The following GNAO1 variants were observed in gnomAD, a reference collection of about 807,000 sequenced individuals.
The protein encoded by GNAO1 is G protein subunit alpha o1, also known as guanine nucleotide-binding protein G(o) subunit alpha.
For synonymous variants in GNAO1, 164 were observed against 180.7 expected (o/e 0.91, Z 0.74); for missense variants, 166 against 478.7 (o/e 0.35, Z 6.10).
intron 3 of GNAO1, among the ~76,000 whole-genome samples, chr16:56,281,785 G>A (rs1175086743): frequency 6.6e-6 from 1 of 152,230 alleles, no homozygotes; most frequent in Non-Finnish European, 1.5e-5. Context: ...CTGGAAGAAA[G>A]GGTTGAGGAG....
At chr16:56,194,486 G>A in intron 2 of GNAO1, 1 of 333,506 alleles carries the variant, frequency 3.0e-6, no homozygotes, top group Non-Finnish European at 6.0e-6. Flanking sequence ...TGCAAGTGGT[G>A]GACAGCGCCC....
At chr16:56,269,645 T>C (rs1391404972) in intron 2 of GNAO1, among the ~76,000 whole-genome samples, 1 of 151,956 alleles carries the variant, frequency 6.6e-6, no homozygotes, top group African/African-American at 2.4e-5. Context: ...AAAGGGATTG[T>C]GATGGAGGAG....
chr16:56,228,652 C>T (rs1349103877), intron 2 of GNAO1, among the ~76,000 whole-genome samples: 2 of 152,186 alleles, frequency 1.3e-5, no homozygotes, highest in African/African-American at 4.8e-5. Flanking sequence ...TGCTTCCCAC[C>T]AGGGCAATGG....
chr16:56,228,413 G>A (rs866100559), intron 2 of GNAO1, among the ~76,000 whole-genome samples: 75 of 151,732 alleles, frequency 4.9e-4, no homozygotes, highest in African/African-American at 1.8e-3. Flanking sequence ...GTGAGTGTGT[G>A]TGTGTATATA....
At chr16:56,209,283 C>G (rs2036362153) in intron 2 of GNAO1, among the ~76,000 whole-genome samples, 1 of 152,178 alleles carries the variant, frequency 6.6e-6, no homozygotes, top group African/African-American at 2.4e-5. Flanking sequence ...GATAAGCATG[C>G]AGGGACCTGT....
intron 2 of GNAO1, among the ~76,000 whole-genome samples, chr16:56,265,653 G>A (rs762546597): frequency 2.0e-5 from 3 of 152,132 alleles, no homozygotes; most frequent in Non-Finnish European, 2.9e-5. Context: ...ATCTATAAGT[G>A]TTCCAAGAAC....
chr16:56,353,438 T>C (rs1217410511), intron 7 of GNAO1: 1 of 152,278 alleles, frequency 6.6e-6, no homozygotes, highest in South Asian at 2.1e-4. Flanking sequence ...TCAGGTATCA[T>C]GGATGACAGA....
intron 3 of GNAO1, among the ~76,000 whole-genome samples, chr16:56,278,076 G>T (rs1009771884): frequency 6.6e-6 from 1 of 152,138 alleles, no homozygotes; most frequent in Admixed American, 6.5e-5. Flanking sequence ...GGACTGTACT[G>T]CAGGCCCCTG....
At chr16:56,355,226 T>TATATAC (rs1256604680) in intron 8 of GNAO1, 145 bp downstream of exon 8, 1 of 216,140 alleles carries the variant, frequency 4.6e-6, no homozygotes, top group Non-Finnish European at 8.7e-6. Context: ...TATATATATA[T>TATATAC]ACAAATATAT....
chr16:56,205,958 C>T (rs142585738), intron 2 of GNAO1, among the ~76,000 whole-genome samples: 139 of 152,194 alleles, frequency 9.1e-4, no homozygotes, highest in African/African-American at 3.3e-3. Flanking sequence ...GTGGCACAGA[C>T]ATGAGCAGAA....
intron 3 of GNAO1, among the ~76,000 whole-genome samples, chr16:56,291,967 G>A (rs375041724): frequency 8.5e-5 from 13 of 152,264 alleles, no homozygotes; most frequent in African/African-American, 3.1e-4. Flanking sequence ...TGGGGATTAG[G>A]TTTTGAGCAC....
At position 56,253,268 on chromosome 16, in the gene GNAO1, A is replaced by C. The variant is rs547869373; in HGVS notation, c.162-22663A>C. Among the ~76,000 whole-genome samples the C allele has an allele frequency of 1.8e-3, 277 of 151,726 alleles. 3 individuals carry two copies. Among genetic ancestry groups the C allele is most frequent in the Non-Finnish European group, 1.2e-3 (83 of 67,890 alleles). On this transcript the variant is annotated intron_variant, in intron 2 of 8. Coordinates refer to ENST00000262493, the MANE Select transcript of GNAO1 (RefSeq NM_020988.3). ...ACCCGCAACAGTGTGTGACTGATCG[A>C]CTCCTCCTGCCACTTTGTCTTATCA...
At chr16:56,347,607 C>A in intron 6 of GNAO1, 3 of 979,030 alleles carry the variant, frequency 3.1e-6, no homozygotes, top group Non-Finnish European at 3.6e-6. Context: ...ACTCCTGGAT[C>A]CCCTCCATGA....
intron 6 of GNAO1, chr16:56,344,048 G>A: frequency 1.3e-6 from 2 of 1,538,008 alleles, no homozygotes; most frequent in Non-Finnish European, 1.7e-6. Flanking sequence ...CTTTGCACTT[G>A]AGGAAGAAGA....
intron 2 of GNAO1, among the ~76,000 whole-genome samples, chr16:56,221,353 A>G (rs762153586): frequency 1.3e-5 from 2 of 152,102 alleles, no homozygotes; most frequent in Non-Finnish European, 1.5e-5. Flanking sequence ...CCGATTTCAG[A>G]TGAAGAAGTC....
chr16:56,223,075 T>C (rs1282000743), intron 2 of GNAO1, among the ~76,000 whole-genome samples: 1 of 152,226 alleles, frequency 6.6e-6, no homozygotes, highest in Non-Finnish European at 1.5e-5. Context: ...AACAATAAGA[T>C]GTATTGTTTT....
intron 2 of GNAO1, among the ~76,000 whole-genome samples, chr16:56,264,288 G>A (rs2036931531): frequency 6.6e-6 from 1 of 152,246 alleles, no homozygotes; most frequent in African/African-American, 2.4e-5. Flanking sequence ...TACCCAGAAG[G>A]CGAGAAGGAA....
rs756220426 is a variant in GNAO1, at chr16:56,343,999, C to A, written c.723+7139C>A. On this transcript the variant is annotated intron_variant, in intron 6 of 8. Coordinates refer to ENST00000262493, the MANE Select transcript of GNAO1 (RefSeq NM_020988.3). ...CTTGCCCTGCCTGGCCTGCCGCCCC[C>A]CCTCCCCTGGAACCAGGCTCCACCA... 1.8e-5 allele frequency: 28 copies of A among 1,598,718 alleles called. No individual in the cohort carries two copies. In the African/African-American group the frequency reaches 2.1e-4, roughly 12 times the overall value.
intron 2 of GNAO1, among the ~76,000 whole-genome samples, chr16:56,256,894 A>G (rs1190901580): frequency 6.6e-6 from 1 of 152,120 alleles, no homozygotes; most frequent in Non-Finnish European, 1.5e-5. Flanking sequence ...GAGTGCCTCA[A>G]ATTACAGGAC....
Sources: gnomAD v4.1 joint callset for allele counts (sites outside exome capture counted in the v4.1 genomes callset) on GRCh38, gnomAD v4.1.1 for gene constraint, MANE v1.5 for transcripts, NCBI Gene and HGNC (gene_info 2026-07-23, HGNC 2026-07-21) for gene names.